LOC730098: variants seen among roughly 807,000 people sequenced by gnomAD.
the LOC730098 span, chr9:34,665,091 G>T: frequency 5.0e-6 from 3 of 600,228 alleles, no homozygotes; most frequent in South Asian, 5.9e-5. Context: ...GGCGGGGGAA[G>T]CCACGACCCG....
chr9:34,665,143 A>G, the LOC730098 span: 3 of 618,332 alleles, frequency 4.9e-6, no homozygotes, highest in Non-Finnish European at 5.8e-6. Context: ...CAGACAGCTC[A>G]TCAGGCCTCG....
chr9:34,664,686 C>A, the LOC730098 span: 1 of 202,162 alleles, frequency 4.9e-6, no homozygotes, highest in Non-Finnish European at 9.9e-6. Context: ...CATTTACAGC[C>A]TGCATCCTAC....
At chr9:34,665,539 GC>G in the LOC730098 span, 2 of 416,014 alleles carry the variant, frequency 4.8e-6, no homozygotes, top group Non-Finnish European at 8.3e-6. Flanking sequence ...CCCACCCCTC[GC>G]CCCCGCAGAA....
chr9:34,665,780 T>G, the LOC730098 span: 2 of 649,402 alleles, frequency 3.1e-6, no homozygotes, highest in Admixed American at 2.4e-5. Flanking sequence ...AATCTGAGGC[T>G]GATGCCCCCG....
At chr9:34,665,983 G>T in the LOC730098 span, 2 of 438,424 alleles carry the variant, frequency 4.6e-6, no homozygotes, top group Non-Finnish European at 4.1e-6. Flanking sequence ...GTCACCTGGA[G>T]GGGGGGCTGA....
chr9:34,665,590 C>T, the LOC730098 span: 5 of 700,668 alleles, frequency 7.1e-6, no homozygotes, highest in African/African-American at 3.5e-5. Flanking sequence ...GGTTCCTCCT[C>T]CGCAGAACCC....
the LOC730098 span, chr9:34,665,017 G>A: frequency 5.1e-6 from 3 of 590,486 alleles, no homozygotes; most frequent in Non-Finnish European, 9.0e-6. Context: ...CAGGAGGTCA[G>A]TACGGTGGGC....
chr9:34,665,497 T>A, the LOC730098 span: 1 of 697,328 alleles, frequency 1.4e-6, no homozygotes, highest in East Asian at 2.7e-5. Context: ...AGCGGCTCCC[T>A]TCGCGCCCAC....
At chr9:34,665,474 C>T in the LOC730098 span, 16 of 694,584 alleles carry the variant, frequency 2.3e-5, no homozygotes, top group East Asian at 4.0e-4. Context: ...GAAGGCTCCG[C>T]CCCGCCTCTA....
At chr9:34,664,907 G>C in the LOC730098 span, 4 of 458,250 alleles carry the variant, frequency 8.7e-6, no homozygotes, top group Non-Finnish European at 1.5e-5. Context: ...GGGCTTTGAC[G>C]TGGAAGGGCA....
chr9:34,665,565 ACCCCGGAGCCG>A, the LOC730098 span: 1 of 92,988 alleles, frequency 1.1e-5, no homozygotes, highest in African/African-American at 1.8e-4. Flanking sequence ...ACCCTCCCCC[ACCCCGGAGCCG>A]CCTGGTTCCT....
At chr9:34,665,296 G>A in the LOC730098 span, 2 of 701,910 alleles carry the variant, frequency 2.8e-6, no homozygotes, top group Non-Finnish European at 5.2e-6. Context: ...CGGGTCCGCG[G>A]TATCGCAGCC....
chr9:34,664,854 G>A, the LOC730098 span: 1 of 417,308 alleles, frequency 2.4e-6, no homozygotes, highest in Non-Finnish European at 4.2e-6. Context: ...TGGGATTGGG[G>A]GAGACAGCCA....
chr9:34,665,153 G>T, the LOC730098 span: 1 of 622,732 alleles, frequency 1.6e-6, no homozygotes, highest in Non-Finnish European at 2.9e-6. Flanking sequence ...ATCAGGCCTC[G>T]CAGAGGCTCC....
At chr9:34,665,224 G>T in the LOC730098 span, 2 of 679,338 alleles carry the variant, frequency 2.9e-6, no homozygotes, top group South Asian at 3.1e-5. Flanking sequence ...ATGAGGCGGG[G>T]CGGGAGCTAC....
Sources: allele counts gnomAD v4.1 joint callset, GRCh38; gene constraint gnomAD v4.1.1; transcripts MANE v1.5.